Variants in PCDHA5 observed in about 807,000 individuals in gnomAD.
PCDHA5 encodes the protein protocadherin alpha 5.
Under a neutral mutation model 61.6 loss-of-function variants are expected in PCDHA5, and 43 were observed. That is an observed-to-expected ratio of 0.70 (90% CI 0.55 to 0.90). PCDHA5 has a LOEUF of 0.90. Among genes scored for constraint, PCDHA5 ranks in the 40% least tolerant of loss-of-function variants. The pLI, the probability that PCDHA5 is intolerant of heterozygous loss-of-function variation, is 0.00. For synonymous variants in PCDHA5, 627 were observed against 543.9 expected (o/e 1.15, Z -2.13); for missense variants, 1,298 against 1,222.7 (o/e 1.06, Z -0.92).
chr5:140,932,991 C>T (rs2088784414), intron 1 of PCDHA5, among the ~76,000 whole-genome samples: 1 of 151,940 alleles, frequency 6.6e-6, no homozygotes, highest in African/African-American at 2.4e-5. Context: ...AAATGCATGT[C>T]ATATGAATAT....
intron 1 of PCDHA5, among the ~76,000 whole-genome samples, chr5:140,845,167 T>C (rs954186731): frequency 6.7e-6 from 1 of 149,652 alleles, no homozygotes; most frequent in Non-Finnish European, 1.5e-5. Context: ...CGAATTGTTT[T>C]CATTTTAGTC....
At chr5:140,879,396 T>C (rs2057974571) in intron 1 of PCDHA5, among the ~76,000 whole-genome samples, 1 of 152,174 alleles carries the variant, frequency 6.6e-6, no homozygotes, top group Non-Finnish European at 1.5e-5. Context: ...AAACAGTTTG[T>C]GTGTATTTGA....
At chr5:140,829,585 G>C in intron 1 of PCDHA5, 2 of 1,612,244 alleles carry the variant, frequency 1.2e-6, no homozygotes, top group Non-Finnish European at 8.5e-7. Flanking sequence ...TGGAGCGGCG[G>C]GTGGGCGAGC....
intron 1 of PCDHA5, among the ~76,000 whole-genome samples, chr5:140,895,848 G>T (rs147299280): frequency 6.6e-6 from 1 of 151,982 alleles, no homozygotes; most frequent in Non-Finnish European, 1.5e-5. Flanking sequence ...TCTCACTCTT[G>T]TACCCCAGGC....
chr5:140,879,097 G>T (rs2057851255), intron 1 of PCDHA5, among the ~76,000 whole-genome samples: 1 of 152,214 alleles, frequency 6.6e-6, no homozygotes, highest in Non-Finnish European at 1.5e-5. Flanking sequence ...CAACTGCACA[G>T]TATATGGTGT....
chr5:140,923,557 A>C (rs1462470621), intron 1 of PCDHA5, among the ~76,000 whole-genome samples: 1 of 152,200 alleles, frequency 6.6e-6, no homozygotes, highest in African/African-American at 2.4e-5. Context: ...AATATCAGCA[A>C]TGAAAGGTCC....
At position 140,823,685 on chromosome 5, in the gene PCDHA5, A is replaced by G; in HGVS notation, c.1910A>G (p.Asp637Gly). 1 of 1,613,946 alleles carries G rather than the reference A, an allele frequency of 6.2e-7. No homozygotes were observed. The highest frequency in any genetic ancestry group is 8.5e-7 in the Non-Finnish European group (1 of 1,179,922). ...GAGATCAGCACAACACGCTCTCTGG[A>G]TGAGACCGAAGCACCGCGCCACCGC... Reference protein sequence around the residue: ...TGEISTTRSLDETEAPRHRLL... With the variant: ...TGEISTTRSLGETEAPRHRLL... The change falls in exon 1 of 4, where the codon GAT becomes GGT. Residue 637 changes from aspartate to glycine, a missense_variant. Transcript: ENST00000529859.
intron 1 of PCDHA5, among the ~76,000 whole-genome samples, chr5:140,964,683 G>T (rs2095848322): frequency 6.6e-6 from 1 of 151,914 alleles, no homozygotes; most frequent in South Asian, 2.1e-4. Flanking sequence ...CACAATTTGT[G>T]CACTTGAGAG....
intron 1 of PCDHA5, among the ~76,000 whole-genome samples, chr5:140,890,513 C>T (rs1376774987): frequency 2.0e-5 from 3 of 151,948 alleles, no homozygotes; most frequent in Non-Finnish European, 4.4e-5. Flanking sequence ...GTCTCTATTT[C>T]CTTCCTTTGT....
chr5:140,930,769 T>G (rs1373924244), intron 1 of PCDHA5, among the ~76,000 whole-genome samples: 2 of 152,214 alleles, frequency 1.3e-5, no homozygotes, highest in Non-Finnish European at 2.9e-5. Context: ...TTTTCTGTAC[T>G]TAATATTTTC....
chr5:140,835,535 G>A, intron 1 of PCDHA5: 3 of 1,613,958 alleles, frequency 1.9e-6, no homozygotes, highest in Non-Finnish European at 2.5e-6. Flanking sequence ...TCAACGGACA[G>A]GTTACCTGCT....
intron 1 of PCDHA5, among the ~76,000 whole-genome samples, chr5:140,925,082 AAAGG>A (rs138596875): frequency 0.022 from 3,184 of 147,344 alleles, 79 homozygotes; most frequent in African/African-American, 0.064. Flanking sequence ...GCTCATCTGG[AAAGG>A]AAGGAAGGAA....
rs782184518 is a variant in PCDHA5 at position 140,875,731 on chromosome 5, A to G, written c.2352+51604A>G. On this transcript the variant is annotated intron_variant, in intron 1 of 3. Transcript: ENST00000529859. ...TCTGCAGAATGGCATTTTGTTTGTG[A>G]ATTCTCGGATCGACCGCGAGAAGCT... The G allele has an allele frequency of 1.2e-6, 2 of 1,614,032 alleles. No individual in the cohort carries two copies. Among genetic ancestry groups the G allele is most frequent in the African/African-American group, 2.7e-5 (2 of 74,906 alleles).
Position 140,829,383 on chromosome 5 carries a change from G to C in PCDHA5, c.2352+5256G>C. On this transcript the variant is annotated intron_variant, in intron 1 of 3. Coordinates refer to ENST00000529859, the MANE Select transcript of PCDHA5 (RefSeq NM_018908.3). ...TTGGTGGTAACCGCGCGGGACGGGGGCTCGCCTTCGCTGTGGGCCACCGCC... is the reference window on the plus strand; with the variant it reads ...TTGGTGGTAACCGCGCGGGACGGGGCCTCGCCTTCGCTGTGGGCCACCGCC... 2 of 1,614,186 alleles carry C rather than the reference G, an allele frequency of 1.2e-6. No homozygotes were observed. The highest frequency in any genetic ancestry group is 1.7e-4 in the Middle Eastern group (1 of 6,044).
intron 1 of PCDHA5, among the ~76,000 whole-genome samples, chr5:140,902,516 G>C (rs1410717975): frequency 6.6e-6 from 1 of 151,990 alleles, no homozygotes; most frequent in Non-Finnish European, 1.5e-5. Context: ...GTCATATATG[G>C]TTTTTATTAT....
At chr5:140,844,914 A>G (rs1779618781) in intron 1 of PCDHA5, among the ~76,000 whole-genome samples, 1 of 149,422 alleles carries the variant, frequency 6.7e-6, no homozygotes, top group African/African-American at 2.5e-5. Context: ...AATGGTAGAA[A>G]TTGATGGAAG....
chr5:140,863,054 C>G (rs782230068), intron 1 of PCDHA5: 4 of 563,138 alleles, frequency 7.1e-6, no homozygotes, highest in Non-Finnish European at 1.4e-5. Flanking sequence ...TGGCAGCACC[C>G]GTTCCACGTG....
chr5:140,900,717 A>G (rs2068252980), intron 1 of PCDHA5, among the ~76,000 whole-genome samples: 1 of 152,136 alleles, frequency 6.6e-6, no homozygotes, highest in South Asian at 2.1e-4. Flanking sequence ...AAGAAAGGAA[A>G]TCCTACCTAG....
intron 1 of PCDHA5, among the ~76,000 whole-genome samples, chr5:140,891,255 A>C (rs1313851741): frequency 6.6e-6 from 1 of 151,868 alleles, no homozygotes; most frequent in Non-Finnish European, 1.5e-5. Context: ...GATTTTTTTT[A>C]ATTTTTAATT....
Sources: allele counts gnomAD v4.1 joint callset (sites outside exome capture counted in the v4.1 genomes callset), GRCh38; gene constraint gnomAD v4.1.1; transcripts MANE v1.5; gene names NCBI Gene and HGNC (gene_info 2026-07-23, HGNC 2026-07-21).